Variants in FAM193A observed in about 807,000 individuals in gnomAD.
The protein encoded by FAM193A is family with sequence similarity 193 member A, also known as protein FAM193A.
In FAM193A, 22 loss-of-function variants were observed where a neutral mutation model predicts 126.5. That is an observed-to-expected ratio of 0.17 (90% CI 0.12 to 0.25). The LOEUF is 0.25. Ranked by LOEUF, FAM193A falls within the 10% of genes least tolerant of loss-of-function variation. FAM193A has a pLI of 1.00. For missense variants in FAM193A, 1,675 were observed against 1,672.8 expected (o/e 1.00, Z -0.02); for synonymous variants, 761 against 646.8 (o/e 1.18, Z -2.68).
intron 1 of FAM193A, among the ~76,000 whole-genome samples, chr4:2,594,332 T>G (rs1279421189): frequency 1.3e-5 from 2 of 152,128 alleles, no homozygotes; most frequent in African/African-American, 2.4e-5. Flanking sequence ...TGGGTCCTTT[T>G]GAATACCGGT....
chr4:2,696,239 C>T, intron 17 of FAM193A, 124 bp from the exon 18 acceptor site: 5 of 666,406 alleles, frequency 7.5e-6, no homozygotes, highest in Non-Finnish European at 1.2e-5. Context: ...GTTGTATTTC[C>T]TTATTTTTCA....
chr4:2,606,100 G>C (rs1359245190), intron 2 of FAM193A, among the ~76,000 whole-genome samples: 3 of 117,160 alleles, frequency 2.6e-5, no homozygotes, highest in African/African-American at 1.0e-4. Context: ...ACCCAGGCTG[G>C]AGTACAGTGG....
At chr4:2,592,692 G>C (rs1740638895) in intron 1 of FAM193A, among the ~76,000 whole-genome samples, 1 of 152,202 alleles carries the variant, frequency 6.6e-6, no homozygotes, top group South Asian at 2.1e-4. Context: ...AGGAGGCTGA[G>C]TTGAGACTTT....
Position 2,590,483 on chromosome 4 carries a change from A to C in FAM193A, c.256-5601A>C, listed in dbSNP as rs1268251251. Among the ~76,000 whole-genome samples, 3 of 94,498 alleles carry C rather than the reference A, an allele frequency of 3.2e-5. 1 individual carries two copies. The highest frequency in any genetic ancestry group is 5.9e-5 in the Non-Finnish European group (3 of 50,876). 62.0% of individuals were successfully genotyped at this position (94,498 alleles called of 152,430 possible). On this transcript the variant is annotated intron_variant, in intron 1 of 20. Transcript: ENST00000637812. ...CATCTCAAAAAAAAAAAACAAAAAA[A>C]AACAAAAAAAAACAAAAAAAAACAA...
rs139589387 is a variant in FAM193A, at chr4:2,619,022, G to A, written c.502-6240G>A. Among the ~76,000 whole-genome samples, 437 of 152,248 alleles carry A rather than the reference G, an allele frequency of 2.9e-3. 1 individual carries two copies. Among genetic ancestry groups the A allele is most frequent in the African/African-American group, 7.9e-3 (327 of 41,552 alleles). On this transcript the variant is annotated intron_variant, in intron 2 of 20. Coordinates refer to ENST00000637812, the MANE Select transcript of FAM193A (RefSeq NM_001366318.2). ...GCTGGGATTATAGGCGTGAGCCATCGCGTCTGGGCTGGATTATTTTTATTG... is the reference window on the plus strand; with the variant it reads ...GCTGGGATTATAGGCGTGAGCCATCACGTCTGGGCTGGATTATTTTTATTG...
chr4:2,563,138 T>G (rs1287589352), intron 1 of FAM193A, among the ~76,000 whole-genome samples: 1 of 151,504 alleles, frequency 6.6e-6, no homozygotes, highest in Non-Finnish European at 1.5e-5. Flanking sequence ...AGAGATGAGG[T>G]TTCACCATGT....
Position 2,631,167 on chromosome 4 carries a change from C to G in FAM193A, c.1036C>G (p.Leu346Val). ...CTCCATCAGCACCTTCCTTGGCACTCTGGTAAGAGAGAAAACGTGTTTTTC... is the reference window on the plus strand; with the variant it reads ...CTCCATCAGCACCTTCCTTGGCACTGTGGTAAGAGAGAAAACGTGTTTTTC... Reference protein sequence around the residue: ...ARSISTFLGTLENEHLKKFQV... With the variant: ...ARSISTFLGTVENEHLKKFQV... Residue 346 changes from leucine (L) to valine (V), a missense_variant and splice_region_variant, in exon 5 of 21, where the codon CTG (leucine) becomes GTG (valine). This residue lies in a region of FAM193A where 1,186 missense variants were observed against 1,109.2 expected (regional missense o/e 1.07). Coordinates refer to ENST00000637812, the MANE Select transcript of FAM193A (RefSeq NM_001366318.2). The G allele has an allele frequency of 1.3e-6, 2 of 1,599,242 alleles. No individual in the cohort carries two copies. The highest frequency in any genetic ancestry group is 1.7e-6 in the Non-Finnish European group (2 of 1,171,832).
chr4:2,599,841 C>T (rs1402844232), intron 2 of FAM193A, among the ~76,000 whole-genome samples: 1 of 151,704 alleles, frequency 6.6e-6, no homozygotes, highest in East Asian at 1.9e-4. Context: ...GTTCAAGAGA[C>T]TATCGTGCCT....
Position 2,536,691 on chromosome 4 carries a change from C to T in FAM193A, c.-225C>T, listed in dbSNP as rs1170344568. On this transcript the variant is annotated 5_prime_UTR_variant, in exon 1 of 21. Transcript: ENST00000637812. The stretch of plus-strand genomic sequence containing the variant: ...CGCCATATTGGACTCTAACTCTGGT[C>T]AGCCGCGGCGCCGGGACTGTGGACT... 1.4e-5 allele frequency: 2 copies of T among 147,468 alleles called. No individual in the cohort carries two copies. The highest frequency in any genetic ancestry group is 3.0e-5 in the Non-Finnish European group (2 of 67,006). 9.1% of individuals were successfully genotyped at this position (147,468 alleles called of 1,614,324 possible).
chr4:2,589,849 T>TG (rs1560463882), intron 1 of FAM193A, among the ~76,000 whole-genome samples: 2 of 152,154 alleles, frequency 1.3e-5, no homozygotes, highest in African/African-American at 4.8e-5. Flanking sequence ...TAAAAGATCA[T>TG]GTATAGGCTG....
Position 2,699,951 on chromosome 4 carries a change from A to G in FAM193A, c.3779A>G (p.His1260Arg), listed in dbSNP as rs776777018. The stretch of plus-strand genomic sequence containing the variant: ...TCTGTTCCTAACTCTGGAAACATCC[A>G]CAATGGCTCACTAGAGCAAACTGAA... ...TESVPNSGNI[H>R]NGSLEQTEEP... Residue 1260 changes from histidine (H) to arginine (R), a missense_variant, in exon 19 of 21, where the codon CAC becomes CGC. Physicochemically the swap from His to Arg is conservative, Grantham distance 29. Transcript: ENST00000637812. 6.2e-7 allele frequency: 1 copy of G among 1,614,082 alleles called. No individual in the cohort carries two copies. Among genetic ancestry groups the G allele is most frequent in the Non-Finnish European group, 8.5e-7 (1 of 1,180,022 alleles).
chr4:2,672,041 A>G (rs1713856877), intron 12 of FAM193A, 80 bp from the exon 13 acceptor site: 1 of 1,490,480 alleles, frequency 6.7e-7, no homozygotes, highest in Non-Finnish European at 9.2e-7. Flanking sequence ...CTTTGTAACT[A>G]CTTGGCAGAA....
At chr4:2,626,327 G>T in intron 3 of FAM193A, 83 bp from the exon 4 acceptor site, 1 of 653,134 alleles carries the variant, frequency 1.5e-6, no homozygotes, top group Non-Finnish European at 2.8e-6. Flanking sequence ...CAAGAGCCTG[G>T]GAGGTCCTCT....
chr4:2,655,225 G>A, intron 7 of FAM193A: 2 of 504,674 alleles, frequency 4.0e-6, no homozygotes, highest in South Asian at 3.4e-5. Flanking sequence ...AGTTGATTTA[G>A]GCTATCATTT....
chr4:2,700,667 AG>A lies in FAM193A; in HGVS notation c.4372+124del, dbSNP rs1717619963. On this transcript the variant is annotated intron_variant, in intron 19 of 20. Coordinates refer to ENST00000637812, the MANE Select transcript of FAM193A (RefSeq NM_001366318.2). The stretch of plus-strand genomic sequence containing the variant: ...CCATGTGGCCTCCCTCCTGTAGAAA[AG>A]AGCGTAGAGGGGCCAGGCATGGTGG... 45 of 1,237,258 alleles carry A rather than the reference AG, an allele frequency of 3.6e-5. 1 individual carries two copies. The highest frequency in any genetic ancestry group is 4.5e-5 in the Non-Finnish European group (40 of 895,618). 76.6% of individuals were successfully genotyped at this position (1,237,258 alleles called of 1,614,324 possible).
chr4:2,617,649 A>G (rs1379274399), intron 2 of FAM193A, among the ~76,000 whole-genome samples: 2 of 152,072 alleles, frequency 1.3e-5, no homozygotes, highest in Non-Finnish European at 1.5e-5. Flanking sequence ...TTTTTTAGCT[A>G]TAGCTTCCAC....
chr4:2,663,532 A>G (rs1712738316), intron 12 of FAM193A, among the ~76,000 whole-genome samples: 2 of 152,176 alleles, frequency 1.3e-5, no homozygotes, highest in African/African-American at 4.8e-5. Flanking sequence ...ATAGAAGCAA[A>G]GAGAGGAGTT....
intron 2 of FAM193A, among the ~76,000 whole-genome samples, chr4:2,609,662 G>A (rs1008173746): frequency 1.3e-5 from 2 of 152,202 alleles, no homozygotes; most frequent in Admixed American, 6.5e-5. Flanking sequence ...GGCCTAGGCC[G>A]ATCACGCCTG....
At chr4:2,585,196 A>T (rs1017784744) in intron 1 of FAM193A, among the ~76,000 whole-genome samples, 1 of 152,194 alleles carries the variant, frequency 6.6e-6, no homozygotes, top group African/African-American at 2.4e-5. Flanking sequence ...ACTCTTGTAC[A>T]TGTATTTTGG....
Sources: gnomAD v4.1 joint callset for allele counts (sites outside exome capture counted in the v4.1 genomes callset) on GRCh38, gnomAD v4.1.1 for gene constraint, gnomAD v4.1.1 regional missense constraint, MANE v1.5 for transcripts, NCBI Gene and HGNC (gene_info 2026-07-23, HGNC 2026-07-21) for gene names.